Variants in LRP1 observed in about 807,000 individuals in gnomAD.
LRP1 encodes the protein prolow-density lipoprotein receptor-related protein 1.
Under a neutral mutation model 541.5 loss-of-function variants are expected in LRP1, and 51 were observed. That is an observed-to-expected ratio of 0.09 (90% CI 0.08 to 0.12). The LOEUF is 0.12. LRP1 is among the 10% of genes least tolerant of loss of function. The pLI is 1.00. For synonymous variants in LRP1, 2,219 were observed against 2,470.8 expected, an observed-to-expected ratio of 0.90 and a Z score of 3.02; for missense variants, 3,878 against 6,376.2, an observed-to-expected ratio of 0.61 and a Z score of 13.34.
chr12:57,180,149 C>T lies in LRP1; in HGVS notation c.5236+8C>T, dbSNP rs1483367004. 2 of 1,612,456 alleles carry T rather than the reference C, an allele frequency of 1.2e-6. No individual in the cohort carries two copies. The highest frequency in any genetic ancestry group is 3.3e-4 in the Middle Eastern group (2 of 6,062). The stretch of plus-strand genomic sequence containing the variant: ...GCCAGAAGGGCCCCGTGGGTACGAG[C>T]TTCCCTGCCCACCCCCACAGCCCCT... On this transcript the variant is annotated splice_region_variant and intron_variant, in intron 31 of 88. Transcript: ENST00000243077.
Position 57,173,278 on chromosome 12 carries a change from A to G in LRP1, c.3274A>G (p.Ser1092Gly). 1 of 1,614,122 alleles carries G rather than the reference A, an allele frequency of 6.2e-7. No individual in the cohort carries two copies. Among genetic ancestry groups the G allele is most frequent in the Non-Finnish European group, 8.5e-7 (1 of 1,180,022 alleles). ...TGGGGACACTGACTGCATGGACTCC[A>G]GCGATGAGAAGAGCTGTGAGGGAGT... ...CDGDTDCMDS[S>G]DEKSCEGVTH... Residue 1092 changes from serine to glycine, a missense_variant, in exon 21 of 89, where the codon AGC becomes GGC. Ser to Gly is a moderately conservative substitution (Grantham distance 56). Transcript: ENST00000243077. The surrounding 1 kb of genome is among the most constrained non-coding windows in gnomAD (Gnocchi z 4.7).
chr12:57,171,669 G>A (rs1023999506), intron 20 of LRP1, among the ~76,000 whole-genome samples: 2 of 152,152 alleles, frequency 1.3e-5, no homozygotes, highest in Admixed American at 1.3e-4. Context: ...AAGAGGTTCA[G>A]GGGCCCCAAG....
chr12:57,198,530 G>C lies in LRP1; in HGVS notation c.9536G>C (p.Ser3179Thr). 6.2e-7 allele frequency: 1 copy of C among 1,614,076 alleles called. No homozygotes were observed. Among genetic ancestry groups the C allele is most frequent in the Non-Finnish European group, 8.5e-7 (1 of 1,180,012 alleles). The change falls in exon 60 of 89, where the codon AGC becomes ACC. Residue 3179 changes from serine (S) to threonine (T), a missense_variant. Coordinates refer to ENST00000243077, the MANE Select transcript of LRP1 (RefSeq NM_002332.3). ...LIGRIGMDGS[S>T]RSVIVDTKIT... ...GGCCGCATCGGCATGGATGGGTCCA[G>C]CCGCAGCGTCATCGTGGACACCAAG...
rs1592653514 is a variant in LRP1, at chr12:57,197,222, T to C, written c.9076+57T>C. ...CCCAGGCTGTGTGGGACTGCCCGGGTGGCAGAGCTCCAGACAGGCAGGAGA... is the reference window on the plus strand; with the variant it reads ...CCCAGGCTGTGTGGGACTGCCCGGGCGGCAGAGCTCCAGACAGGCAGGAGA... On this transcript the variant is annotated intron_variant, in intron 56 of 88. Coordinates refer to ENST00000243077, the MANE Select transcript of LRP1 (RefSeq NM_002332.3). This position sits in a 1 kb window ranked among gnomAD's most constrained non-coding sequence, Gnocchi z 4.5. The C allele has an allele frequency of 6.2e-7, 1 of 1,612,712 alleles. No individual in the cohort carries two copies. Among genetic ancestry groups the C allele is most frequent in the Non-Finnish European group, 8.5e-7 (1 of 1,178,852 alleles).
chr12:57,208,340 C>G, intron 77 of LRP1, 124 bp downstream of exon 77: 2 of 1,081,412 alleles, frequency 1.8e-6, no homozygotes, highest in Non-Finnish European at 2.6e-6. Context: ...GAGTCCTTTT[C>G]AGTCCCTTGG....
In LRP1 at chr12:57,200,454, AACG is replaced by A; in HGVS notation, c.10030_10032del (p.Asp3344del). The A allele has an allele frequency of 6.2e-7, 1 of 1,612,558 alleles. No homozygotes were observed. The highest frequency in any genetic ancestry group is 2.2e-5 in the East Asian group (1 of 44,800). ...ACCTGCCCTCCAGTTTGTATGCAAG[AACG>A]ACAAGTGCATCCCCTTCTGGTGGAA... On this transcript the variant is annotated inframe_deletion, in exon 63 of 89. Coordinates refer to ENST00000243077, the MANE Select transcript of LRP1 (RefSeq NM_002332.3).
Position 57,153,302 on chromosome 12 carries a change from C to G in LRP1, c.842-906C>G, listed in dbSNP as rs149031258. Among the ~76,000 whole-genome samples the G allele has an allele frequency of 1.2e-3, 183 of 152,244 alleles. 2 individuals are homozygous for G. Among genetic ancestry groups the G allele is most frequent in the African/African-American group, 4.2e-3 (173 of 41,548 alleles). ...TCCCTGTCCCCAGACTTCCTGCCTC[C>G]TTGACTTCCGGCCACCCTTGCCCTG... On this transcript the variant is annotated intron_variant, in intron 6 of 88. Transcript: ENST00000243077.
intron 3 of LRP1, among the ~76,000 whole-genome samples, chr12:57,143,057 C>CT (rs2035329647): frequency 6.6e-6 from 1 of 152,178 alleles, no homozygotes. Context: ...CCTCTCCCCC[C>CT]TCCTGTCTCA....
At position 57,173,372 on chromosome 12, in the gene LRP1, C is replaced by T; in HGVS notation, c.3346+22C>T. 1.9e-6 allele frequency: 3 copies of T among 1,606,716 alleles called. No individual in the cohort carries two copies. The highest frequency in any genetic ancestry group is 2.2e-5 in the South Asian group (2 of 90,290). ...TCAGGTGAAGAGGATGGTTGGAGGG[C>T]GTCTGGAACAGCACAATGTGGGCAG... On this transcript the variant is annotated intron_variant, in intron 21 of 88. Transcript: ENST00000243077. This position sits in a 1 kb window ranked among gnomAD's most constrained non-coding sequence, Gnocchi z 4.7.
chr12:57,195,547 C>T (rs755587069), intron 52 of LRP1, 111 bp from the exon 53 acceptor site: 1,071 of 1,584,226 alleles, frequency 6.8e-4, no homozygotes, highest in Non-Finnish European at 8.4e-4. Flanking sequence ...GTCCAGACTC[C>T]TCATCCAGTG....
chr12:57,146,130 G>T (rs2035401148), intron 6 of LRP1, among the ~76,000 whole-genome samples: 1 of 152,142 alleles, frequency 6.6e-6, no homozygotes, highest in South Asian at 2.1e-4. Flanking sequence ...GGAAGAAGGG[G>T]TGTCACAGAA....
intron 1 of LRP1, among the ~76,000 whole-genome samples, chr12:57,136,405 C>T (rs547999947): frequency 6.7e-6 from 1 of 148,528 alleles, no homozygotes; most frequent in Non-Finnish European, 1.5e-5. Context: ...GCCCCCCCCC[C>T]CCGCCATTTT....
At chr12:57,141,569 C>T in intron 3 of LRP1, 58 bp downstream of exon 3, 10 of 1,603,626 alleles carry the variant, frequency 6.2e-6, no homozygotes, top group Non-Finnish European at 8.5e-6. Context: ...ATCAGCCCAC[C>T]TTCCGAGGAC....
chr12:57,165,680 T>C lies in LRP1; in HGVS notation c.2531-125T>C. ...ATAATTTGTTTCATGAGGAATTTTG[T>C]ACTAGAAAAAATTACTTTGTATTAT... On this transcript the variant is annotated intron_variant, in intron 15 of 88. Coordinates refer to ENST00000243077, the MANE Select transcript of LRP1 (RefSeq NM_002332.3). The surrounding 1 kb of genome is among the most constrained non-coding windows in gnomAD (Gnocchi z 4.5). 2.2e-6 allele frequency: 2 copies of C among 914,904 alleles called. No individual in the cohort carries two copies. The highest frequency in any genetic ancestry group is 3.3e-6 in the Non-Finnish European group (2 of 611,042). 56.7% of individuals were successfully genotyped at this position (914,904 alleles called of 1,614,324 possible). A position where few individuals can be genotyped will look rare whatever the true frequency, so the allele number is the denominator to read the frequency against.
chr12:57,150,218 G>A (rs2035501248), intron 6 of LRP1, among the ~76,000 whole-genome samples: 1 of 110,300 alleles, frequency 9.1e-6, no homozygotes, highest in Admixed American at 9.7e-5. Flanking sequence ...TTGAGATGGA[G>A]TCTCACTCTG....
chr12:57,132,344 C>G (rs903398957), intron 1 of LRP1, among the ~76,000 whole-genome samples: 1 of 152,126 alleles, frequency 6.6e-6, no homozygotes, highest in Non-Finnish European at 1.5e-5. Context: ...CCTCTCCCAC[C>G]AGGCCTTAGC....
At position 57,197,702 on chromosome 12, in the gene LRP1, C is replaced by T. The variant is rs2036567675; in HGVS notation, c.9282+38C>T. 4 of 1,600,878 alleles carry T rather than the reference C, an allele frequency of 2.5e-6. No homozygotes were observed. The highest frequency in any genetic ancestry group is 3.4e-6 in the Non-Finnish European group (4 of 1,175,174). On this transcript the variant is annotated intron_variant, in intron 58 of 88. Coordinates refer to ENST00000243077, the MANE Select transcript of LRP1 (RefSeq NM_002332.3). This position sits in a 1 kb window ranked among gnomAD's most constrained non-coding sequence, Gnocchi z 4.5. Reference sequence around the variant, plus strand: ...GCCCTCGGCGACCAACACTGGCCCGCCTCAGATGACTGTTTTCAGATCGTC... The same window carrying T: ...GCCCTCGGCGACCAACACTGGCCCGTCTCAGATGACTGTTTTCAGATCGTC...
At chr12:57,159,002 G>A (rs1027145196) in intron 11 of LRP1, among the ~76,000 whole-genome samples, 1 of 152,224 alleles carries the variant, frequency 6.6e-6, no homozygotes, top group Non-Finnish European at 1.5e-5. Flanking sequence ...ACATGTATGT[G>A]CGCACACAGG....
intron 20 of LRP1, among the ~76,000 whole-genome samples, chr12:57,170,089 G>T (rs1340110611): frequency 2.6e-5 from 4 of 152,194 alleles, no homozygotes; most frequent in Non-Finnish European, 5.9e-5. Flanking sequence ...CGGTTTGCTG[G>T]CAATCTTTGC....
Sources: gnomAD v4.1 joint callset for allele counts (sites outside exome capture counted in the v4.1 genomes callset) on GRCh38, gnomAD v4.1.1 for gene constraint, Gnocchi (gnomAD v3.1) non-coding constraint, MANE v1.5 for transcripts, NCBI Gene and HGNC (gene_info 2026-07-23, HGNC 2026-07-21) for gene names.